Variants in HDAC4 observed in about 807,000 individuals in gnomAD.
The protein encoded by HDAC4 is histone deacetylase 4.
HDAC4 carries 16 observed loss-of-function variants against 135.1 expected under a neutral mutation model. That is an observed-to-expected ratio of 0.12 (90% CI 0.08 to 0.18). HDAC4 has a LOEUF of 0.18. Ranked by LOEUF, HDAC4 falls within the 10% of genes least tolerant of loss-of-function variation. HDAC4 has a pLI of 1.00. For missense variants in HDAC4, 1,143 were observed against 1,511.8 expected, an observed-to-expected ratio of 0.76 and a Z score of 4.05; for synonymous variants, 685 against 653.4, an observed-to-expected ratio of 1.05 and a Z score of -0.74.
chr2:239,328,277 G>A (rs867077918), intron 2 of HDAC4, among the ~76,000 whole-genome samples: 3 of 152,152 alleles, frequency 2.0e-5, no homozygotes, highest in Non-Finnish European at 4.4e-5. Context: ...GCCTCTTCAC[G>A]GGTACCCCAG....
chr2:239,113,325 TGCAGCAGGAGCTGGAGCAGGAGCCA>T (rs1015269427), intron 13 of HDAC4, among the ~76,000 whole-genome samples: 24 of 152,022 alleles, frequency 1.6e-4, no homozygotes, highest in African/African-American at 5.8e-4. Flanking sequence ...TGGGAGGAGC[TGCAGCAGGAGCTGGAGCAGGAGCCA>T]GCACCCACAG....
intron 16 of HDAC4, among the ~76,000 whole-genome samples, chr2:239,098,048 T>C (rs773519246): frequency 6.6e-6 from 1 of 152,266 alleles, no homozygotes; most frequent in Non-Finnish European, 1.5e-5. Context: ...TTTGAAATCA[T>C]AGCCAACCAT....
intron 2 of HDAC4, among the ~76,000 whole-genome samples, chr2:239,259,858 A>G (rs113852272): frequency 7.2e-5 from 11 of 152,324 alleles, no homozygotes; most frequent in African/African-American, 2.4e-4. Flanking sequence ...TGCAAGTAGG[A>G]AATATGGCCT....
At chr2:239,132,834 A>C (rs2040690901) in intron 11 of HDAC4, among the ~76,000 whole-genome samples, 1 of 152,234 alleles carries the variant, frequency 6.6e-6, no homozygotes, top group African/African-American at 2.4e-5. Context: ...CCTGAAGATC[A>C]GGCACATTTT....
rs557389025 is a variant in HDAC4, at chr2:239,262,584, T to C, written c.23-25920A>G. Among the ~76,000 whole-genome samples, 25 of 152,226 alleles carry C rather than the reference T, an allele frequency of 1.6e-4. No individual in the cohort carries two copies. The highest frequency in any genetic ancestry group is 5.3e-4 in the African/African-American group (22 of 41,528). On this transcript the variant is annotated intron_variant, in intron 2 of 26. Coordinates refer to ENST00000543185, the MANE Select transcript of HDAC4 (RefSeq NM_001378414.1). This position sits in a 1 kb window ranked among gnomAD's most constrained non-coding sequence, Gnocchi z 4.1. ...GGGGGCCAGAGCCTGGCTCTGACACTCTTGGCCAAATGTCCCCATCCTCAG... is the reference window on the plus strand; with the variant it reads ...GGGGGCCAGAGCCTGGCTCTGACACCCTTGGCCAAATGTCCCCATCCTCAG...
At chr2:239,073,496 G>A (rs185883335) in intron 22 of HDAC4, among the ~76,000 whole-genome samples, 3 of 152,348 alleles carry the variant, frequency 2.0e-5, no homozygotes, top group Admixed American at 6.5e-5. Context: ...ATCGGCGTGC[G>A]AGCGTCCCTG....
intron 1 of HDAC4, among the ~76,000 whole-genome samples, chr2:239,383,879 GACAGCATC>G (rs1339905243): frequency 6.6e-6 from 1 of 152,236 alleles, no homozygotes; most frequent in Non-Finnish European, 1.5e-5. Flanking sequence ...GAGTCCCCCA[GACAGCATC>G]AGCCCCGCCA....
At chr2:239,275,422 C>T (rs182936460) in intron 2 of HDAC4, among the ~76,000 whole-genome samples, 331 of 152,388 alleles carry the variant, frequency 2.2e-3, no homozygotes, top group African/African-American at 7.8e-3. Context: ...CACCAAGAAA[C>T]GGCTTTGTGT....
chr2:239,205,890 C>T (rs1019297315), intron 3 of HDAC4, among the ~76,000 whole-genome samples: 1 of 152,126 alleles, frequency 6.6e-6, no homozygotes, highest in Non-Finnish European at 1.5e-5. Context: ...AAAATAGGGA[C>T]TTTAGACATT....
chr2:239,114,183 G>A (rs768310432), intron 13 of HDAC4, among the ~76,000 whole-genome samples: 39 of 152,300 alleles, frequency 2.6e-4, no homozygotes, highest in Non-Finnish European at 1.9e-4. Context: ...GGTGCTGCTG[G>A]GGGTGGAGAT....
intron 5 of HDAC4, among the ~76,000 whole-genome samples, chr2:239,175,086 T>C (rs1366514932): frequency 6.6e-6 from 1 of 152,226 alleles, no homozygotes; most frequent in Non-Finnish European, 1.5e-5. Flanking sequence ...GGAAAATGTA[T>C]ACCTCGACTC....
At chr2:239,247,084 T>C (rs1182370466) in intron 2 of HDAC4, among the ~76,000 whole-genome samples, 1 of 152,236 alleles carries the variant, frequency 6.6e-6, no homozygotes, top group Admixed American at 6.5e-5. Context: ...CTTCAGTTAA[T>C]GATGAAAGGT....
At chr2:239,270,554 C>T (rs2050003802) in intron 2 of HDAC4, among the ~76,000 whole-genome samples, 1 of 152,206 alleles carries the variant, frequency 6.6e-6, no homozygotes, top group Non-Finnish European at 1.5e-5. Flanking sequence ...GGCTAAAAAA[C>T]CTAGACATTT....
intron 24 of HDAC4, among the ~76,000 whole-genome samples, chr2:239,063,750 T>C (rs2106549171): frequency 1.3e-5 from 2 of 152,352 alleles, no homozygotes; most frequent in South Asian, 4.1e-4. Context: ...GGGCTCTCAC[T>C]GACCCCCAGG....
At chr2:239,090,515 C>T (rs1047057305) in intron 17 of HDAC4, among the ~76,000 whole-genome samples, 1 of 147,548 alleles carries the variant, frequency 6.8e-6, no homozygotes, top group African/African-American at 2.5e-5. Context: ...ATCTGAAATC[C>T]GAAATACTAC....
At chr2:239,080,633 C>T (rs971823701) in intron 22 of HDAC4, among the ~76,000 whole-genome samples, 2 of 152,044 alleles carry the variant, frequency 1.3e-5, no homozygotes, top group African/African-American at 4.8e-5. Context: ...CACAGCCACA[C>T]GAAGGAAATG....
At chr2:239,189,722 C>T (rs971786865) in intron 4 of HDAC4, 111 bp downstream of exon 4, 21 of 1,003,262 alleles carry the variant, frequency 2.1e-5, no homozygotes, top group Middle Eastern at 3.0e-4. Context: ...CCTGCAGGAA[C>T]CCTGCATCAT....
At chr2:239,229,960 C>T (rs1471145520) in intron 3 of HDAC4, among the ~76,000 whole-genome samples, 1 of 152,156 alleles carries the variant, frequency 6.6e-6, no homozygotes, top group Non-Finnish European at 1.5e-5. Flanking sequence ...TTTCTATAGC[C>T]ACTCAAAATA....
chr2:239,381,389 T>C (rs1695404892), intron 1 of HDAC4, among the ~76,000 whole-genome samples: 1 of 148,994 alleles, frequency 6.7e-6, no homozygotes, highest in South Asian at 2.1e-4. Flanking sequence ...TTCTGGGGAA[T>C]CGAAACCCAT....
Sources: gnomAD v4.1 joint callset for allele counts (sites outside exome capture counted in the v4.1 genomes callset) on GRCh38, gnomAD v4.1.1 for gene constraint, Gnocchi (gnomAD v3.1) non-coding constraint, MANE v1.5 for transcripts, NCBI Gene and HGNC (gene_info 2026-07-23, HGNC 2026-07-21) for gene names.